The following SMURF2 variants were observed in gnomAD, a reference collection of about 807,000 sequenced individuals.
The protein encoded by SMURF2 is SMAD specific E3 ubiquitin protein ligase 2, also known as E3 ubiquitin-protein ligase SMURF2.
In SMURF2, 48 loss-of-function variants were observed where a neutral mutation model predicts 109.6. The ratio of observed to expected loss-of-function variants is 0.44; its 90% CI spans 0.35 to 0.56. SMURF2 has a LOEUF of 0.56. Among genes scored for constraint, SMURF2 ranks in the 20% least tolerant of loss-of-function variants. The pLI, the probability that SMURF2 is intolerant of heterozygous loss-of-function variation, is 0.01. For missense variants in SMURF2, 575 were observed against 909.0 expected (o/e 0.63, Z 4.72); for synonymous variants, 288 against 317.1 (o/e 0.91, Z 0.97).
chr17:64,553,345 T>C (rs1555683766), intron 15 of SMURF2, among the ~76,000 whole-genome samples: 1 of 151,688 alleles, frequency 6.6e-6, no homozygotes, highest in Non-Finnish European at 1.5e-5. Context: ...TCTCTGCTAA[T>C]AATAAAAAAA....
chr17:64,610,976 C>A (rs908417283), intron 1 of SMURF2, among the ~76,000 whole-genome samples: 2 of 152,260 alleles, frequency 1.3e-5, no homozygotes, highest in East Asian at 3.9e-4. Flanking sequence ...GCTGACTACT[C>A]CCTCTTCTAG....
intron 5 of SMURF2, among the ~76,000 whole-genome samples, chr17:64,587,906 A>T (rs1969685428): frequency 6.6e-6 from 1 of 152,136 alleles, no homozygotes; most frequent in African/African-American, 2.4e-5. Context: ...AAGCTAAAGA[A>T]TTTCATGGGC....
chr17:64,566,696 C>T (rs1214113742), intron 10 of SMURF2, among the ~76,000 whole-genome samples: 2 of 149,424 alleles, frequency 1.3e-5, no homozygotes, highest in Admixed American at 6.7e-5. Flanking sequence ...CTCAGCCTCC[C>T]GAGTAGCTGG....
chr17:64,548,113 G>A (rs1354560111), intron 16 of SMURF2, among the ~76,000 whole-genome samples: 1 of 152,064 alleles, frequency 6.6e-6, no homozygotes, highest in Non-Finnish European at 1.5e-5. Context: ...GTAAACAATT[G>A]AGAATGTTTC....
intron 5 of SMURF2, among the ~76,000 whole-genome samples, chr17:64,590,061 C>A (rs1322641657): frequency 6.6e-6 from 1 of 151,940 alleles, no homozygotes; most frequent in Non-Finnish European, 1.5e-5. Context: ...TAACTAAAAC[C>A]TCTCTGATGG....
At chr17:64,615,668 A>G (rs933214703) in intron 1 of SMURF2, among the ~76,000 whole-genome samples, 2 of 152,246 alleles carry the variant, frequency 1.3e-5, no homozygotes, top group Non-Finnish European at 2.9e-5. Context: ...ACACAGATTC[A>G]CATTCAAGGT....
rs1284424131 is a variant in SMURF2 at position 64,544,825 on chromosome 17, G to A, written c.*1023C>T. The A allele has an allele frequency of 2.6e-5, 4 of 152,578 alleles. No homozygotes were observed. The highest frequency in any genetic ancestry group is 3.9e-4 in the East Asian group (2 of 5,186). 9.5% of individuals were successfully genotyped at this position (152,578 alleles called of 1,614,324 possible). On this transcript the variant is annotated 3_prime_UTR_variant, in exon 19 of 19. Transcript: ENST00000262435. ...CTGATTAAAATTATGAGCAGTTAAC[G>A]CTTTAGGATGGTTTTGTTAATGGAA... is the stretch of plus-strand genomic sequence containing the variant.
chr17:64,568,740 AC>A (rs1215494669), intron 10 of SMURF2, among the ~76,000 whole-genome samples: 2 of 152,082 alleles, frequency 1.3e-5, no homozygotes, highest in Non-Finnish European at 2.9e-5. Flanking sequence ...AACGGCTCAC[AC>A]CTGTAATCCC....
At chr17:64,583,914 C>T (rs111897223) in intron 6 of SMURF2, among the ~76,000 whole-genome samples, 3 of 151,800 alleles carry the variant, frequency 2.0e-5, no homozygotes, top group South Asian at 2.1e-4. Context: ...CCACCCGCCT[C>T]GGCCTCCCAA....
chr17:64,594,881 T>C (rs1245876088), intron 3 of SMURF2, among the ~76,000 whole-genome samples: 9 of 151,972 alleles, frequency 5.9e-5, no homozygotes, highest in African/African-American at 2.2e-4. Flanking sequence ...TCCCAGCTAC[T>C]TGGGAGGCTG....
chr17:64,590,334 G>A (rs1555687586), intron 5 of SMURF2, among the ~76,000 whole-genome samples: 2 of 151,660 alleles, frequency 1.3e-5, no homozygotes. Flanking sequence ...GTAGAGATGG[G>A]GTTTCACCAT....
At chr17:64,646,586 T>C (rs1258889937) in intron 1 of SMURF2, among the ~76,000 whole-genome samples, 2 of 151,852 alleles carry the variant, frequency 1.3e-5, no homozygotes, top group Non-Finnish European at 2.9e-5. Flanking sequence ...TTTCACCATG[T>C]TGCCCAGGCT....
At chr17:64,572,614 A>G (rs1012508754) in intron 9 of SMURF2, among the ~76,000 whole-genome samples, 5 of 152,228 alleles carry the variant, frequency 3.3e-5, no homozygotes, top group East Asian at 1.9e-4. Flanking sequence ...TATATTATAC[A>G]TTCTTAAAAT....
At chr17:64,640,682 A>T (rs2144721192) in intron 1 of SMURF2, among the ~76,000 whole-genome samples, 1 of 152,288 alleles carries the variant, frequency 6.6e-6, no homozygotes, top group East Asian at 1.9e-4. Context: ...GCACTTTGGG[A>T]GGCCAAGGCA....
chr17:64,558,533 C>T (rs1322079297), intron 12 of SMURF2, among the ~76,000 whole-genome samples: 1 of 152,142 alleles, frequency 6.6e-6, no homozygotes, highest in Non-Finnish European at 1.5e-5. Context: ...GTATTAAGGA[C>T]ATTTCATTAT....
chr17:64,588,407 T>C (rs1307665545), intron 5 of SMURF2, among the ~76,000 whole-genome samples: 1 of 151,996 alleles, frequency 6.6e-6, no homozygotes, highest in Admixed American at 6.6e-5. Context: ...AGCAAAAAAA[T>C]TTTTTAATTA....
At chr17:64,629,793 A>G (rs1239380144) in intron 1 of SMURF2, among the ~76,000 whole-genome samples, 1 of 152,220 alleles carries the variant, frequency 6.6e-6, no homozygotes, top group Admixed American at 6.5e-5. Flanking sequence ...AACTCTAAAC[A>G]AATTTTTTAA....
rs559952154 is a variant in SMURF2 at position 64,650,349 on chromosome 17, T to TTTTTGTG, written c.52+11479_52+11480insCACAAAA. Among the ~76,000 whole-genome samples, 510 of 135,826 alleles carry TTTTTGTG rather than the reference T, an allele frequency of 3.8e-3. 1 individual carries two copies. Among genetic ancestry groups the TTTTTGTG allele is most frequent in the African/African-American group, 0.013 (489 of 38,006 alleles). The allele number at this position is 135,826 out of a possible 152,430, so 89.1% of individuals were successfully genotyped here. ...ATCACACGGGTTTTTTGTTTTTTGTTTTTTTTTTTGGTATTTTCACACCTG... is the reference window on the plus strand; with the variant it reads ...ATCACACGGGTTTTTTGTTTTTTGTTTTTTGTGTTTTTTTTTGGTATTTTCACACCTG... On this transcript the variant is annotated intron_variant, in intron 1 of 18. Coordinates refer to ENST00000262435, the MANE Select transcript of SMURF2 (RefSeq NM_022739.4).
rs555231905 is a variant in SMURF2, at chr17:64,561,814, T to C, written c.1213-211A>G. ...GAATTCTAGACCAGCCTGGGCAACA[T>C]AGTGAAACTCTGTCTATACAAAAAG... is the stretch of plus-strand genomic sequence containing the variant. On this transcript the variant is annotated intron_variant, in intron 11 of 18. Coordinates refer to ENST00000262435, the MANE Select transcript of SMURF2 (RefSeq NM_022739.4). 4.0e-5 allele frequency among the ~76,000 whole-genome samples: 6 copies of C among 151,098 alleles called. No individual in the cohort carries two copies. In the South Asian group the frequency reaches 1.3e-3, roughly 32 times the overall value.
Sources: allele counts gnomAD v4.1 joint callset (sites outside exome capture counted in the v4.1 genomes callset), GRCh38; gene constraint gnomAD v4.1.1; transcripts MANE v1.5; gene names NCBI Gene and HGNC (gene_info 2026-07-23, HGNC 2026-07-21).